Variants in RGS17 observed in about 807,000 individuals in gnomAD.
RGS17 encodes the protein regulator of G-protein signaling 17.
In RGS17, 12 loss-of-function variants were observed where a neutral mutation model predicts 25.5. That is an observed-to-expected ratio of 0.47 (90% confidence interval 0.30 to 0.76). The LOEUF (loss-of-function observed/expected upper bound fraction) is 0.76. RGS17 is among the 30% of genes least tolerant of loss of function. RGS17 has a pLI of 0.07. For synonymous variants in RGS17, 71 were observed against 76.9 expected, an observed-to-expected ratio of 0.92 and a Z score of 0.40; for missense variants, 196 against 242.2, an observed-to-expected ratio of 0.81 and a Z score of 1.27.
At chr6:153,035,423 A>G (rs1281742963) in intron 2 of RGS17, among the ~76,000 whole-genome samples, 1 of 152,218 alleles carries the variant, frequency 6.6e-6, no homozygotes, top group African/African-American at 2.4e-5. Flanking sequence ...TTCTTGAATC[A>G]TGTCCTAAAA....
At chr6:153,054,046 T>C (rs1776512039) in intron 1 of RGS17, among the ~76,000 whole-genome samples, 4 of 75,818 alleles carry the variant, frequency 5.3e-5, no homozygotes, top group African/African-American at 1.7e-4. Context: ...TATATATGTA[T>C]ATATGTATAT....
intron 1 of RGS17, among the ~76,000 whole-genome samples, chr6:153,048,369 C>G (rs973727692): frequency 6.6e-6 from 1 of 152,148 alleles, no homozygotes; most frequent in Non-Finnish European, 1.5e-5. Context: ...TACCCATCTT[C>G]TGTTTCTACC....
At chr6:153,037,733 C>T (rs1046318767) in intron 2 of RGS17, among the ~76,000 whole-genome samples, 1 of 152,090 alleles carries the variant, frequency 6.6e-6, no homozygotes, top group Non-Finnish European at 1.5e-5. Context: ...CTATTTTTTG[C>T]TATTTTAATG....
At chr6:153,034,814 C>T (rs549068040) in intron 2 of RGS17, among the ~76,000 whole-genome samples, 3 of 152,222 alleles carry the variant, frequency 2.0e-5, no homozygotes, top group East Asian at 1.9e-4. Context: ...TCCACTATTA[C>T]GATGGAATTG....
chr6:153,092,127 TACTC>T (rs1401146969), intron 1 of RGS17, among the ~76,000 whole-genome samples: 1 of 152,232 alleles, frequency 6.6e-6, no homozygotes, highest in Non-Finnish European at 1.5e-5. Flanking sequence ...TTACTGGACT[TACTC>T]TTTGAATTTT....
chr6:153,107,583 T>C (rs1247435591), intron 1 of RGS17, among the ~76,000 whole-genome samples: 1 of 152,132 alleles, frequency 6.6e-6, no homozygotes, highest in Non-Finnish European at 1.5e-5. Flanking sequence ...TTAAAGCCTA[T>C]ATTATATTAT....
chr6:153,093,497 G>A (rs1777161752), intron 1 of RGS17, among the ~76,000 whole-genome samples: 1 of 152,112 alleles, frequency 6.6e-6, no homozygotes, highest in African/African-American at 2.4e-5. Flanking sequence ...TCTTCCACAA[G>A]CTTCTTCAGT....
rs1488117310 is a variant in RGS17, at chr6:153,076,862, A to G, written c.-25-32819T>C. Among the ~76,000 whole-genome samples, 7 of 152,348 alleles carry G rather than the reference A, an allele frequency of 4.6e-5. No individual in the cohort carries two copies. The South Asian group carries it at 1.0e-3, about 23-fold the overall frequency. ...AATGAAAAAACATCATTTTTCACCA[A>G]TAAAATAATTGATTTACTCAATGAT... is the stretch of plus-strand genomic sequence containing the variant. On this transcript the variant is annotated intron_variant, in intron 1 of 4. Transcript: ENST00000206262.
intron 1 of RGS17, among the ~76,000 whole-genome samples, chr6:153,094,280 T>C (rs941767397): frequency 2.6e-5 from 4 of 152,070 alleles, no homozygotes; most frequent in African/African-American, 9.7e-5. Context: ...GGTTTTGCTA[T>C]GTTGGCCAGG....
At chr6:153,100,561 A>G (rs1777286392) in intron 1 of RGS17, among the ~76,000 whole-genome samples, 1 of 152,228 alleles carries the variant, frequency 6.6e-6, no homozygotes, top group Non-Finnish European at 1.5e-5. Flanking sequence ...AAAGGAAAGG[A>G]AAGAAAAAAA....
chr6:153,077,086 G>A (rs1776893315), intron 1 of RGS17, among the ~76,000 whole-genome samples: 1 of 152,102 alleles, frequency 6.6e-6, no homozygotes, highest in Non-Finnish European at 1.5e-5. Flanking sequence ...TGATGCAACA[G>A]GAGATACTCA....
At chr6:153,119,649 C>A (rs746812773) in intron 1 of RGS17, among the ~76,000 whole-genome samples, 1 of 152,108 alleles carries the variant, frequency 6.6e-6, no homozygotes, top group African/African-American at 2.4e-5. Context: ...GCCGAGATCA[C>A]GCCATTGCAC....
intron 1 of RGS17, among the ~76,000 whole-genome samples, chr6:153,106,528 G>A (rs1164987943): frequency 6.6e-6 from 1 of 151,038 alleles, no homozygotes; most frequent in East Asian, 2.0e-4. Flanking sequence ...TTTTTTTTCA[G>A]GAAGGGAGAA....
intron 1 of RGS17, among the ~76,000 whole-genome samples, chr6:153,058,557 T>C (rs761582686): frequency 6.6e-6 from 1 of 152,208 alleles, no homozygotes; most frequent in Non-Finnish European, 1.5e-5. Context: ...GTTGAAAGCA[T>C]CCGGTTTTAC....
chr6:153,097,290 ATTTTTTTTTTTTT>A (rs3083488), intron 1 of RGS17, among the ~76,000 whole-genome samples: 12 of 88,304 alleles, frequency 1.4e-4, no homozygotes, highest in African/African-American at 4.6e-4. Context: ...CGTTTTTTTG[ATTTTTTTTTTTTT>A]TTTTTTTTTT....
chr6:153,058,787 T>C lies in RGS17; in HGVS notation c.-25-14744A>G, dbSNP rs190843562. On this transcript the variant is annotated intron_variant, in intron 1 of 4. Transcript: ENST00000206262. Reference sequence around the variant, plus strand: ...TGCTTCAGCTAAGCCAGCATATATCTATGCAACTGAGCAAGCTTTCAATGT... The same window carrying C: ...TGCTTCAGCTAAGCCAGCATATATCCATGCAACTGAGCAAGCTTTCAATGT... 2.6e-5 allele frequency among the ~76,000 whole-genome samples: 4 copies of C among 152,266 alleles called. No homozygotes were observed. In the East Asian group the frequency reaches 7.7e-4, roughly 29 times the overall value.
At chr6:153,075,825 T>C (rs956916402) in intron 1 of RGS17, among the ~76,000 whole-genome samples, 2 of 152,220 alleles carry the variant, frequency 1.3e-5, no homozygotes, top group Non-Finnish European at 2.9e-5. Flanking sequence ...AAAAGAAAAG[T>C]TTTTGTGTGT....
chr6:153,119,612 G>A (rs1458001303), intron 1 of RGS17, among the ~76,000 whole-genome samples: 1 of 152,090 alleles, frequency 6.6e-6, no homozygotes, highest in Non-Finnish European at 1.5e-5. Context: ...AGAATTGCTT[G>A]AACCCGGGAG....
chr6:153,004,554 A>G lies in RGS17; in HGVS notation c.*7020T>C, dbSNP rs986271485. 2.0e-5 allele frequency: 3 copies of G among 152,220 alleles called. No homozygotes were observed. The highest frequency in any genetic ancestry group is 7.2e-5 in the African/African-American group (3 of 41,468). The allele number at this position is 152,220 out of a possible 1,614,324, so 9.4% of individuals were successfully genotyped here. A position where few individuals can be genotyped will look rare whatever the true frequency, so the allele number is the denominator to read the frequency against. On this transcript the variant is annotated 3_prime_UTR_variant, in exon 5 of 5. Coordinates refer to ENST00000206262, the MANE Select transcript of RGS17 (RefSeq NM_012419.5). ...TAACATCCATAGGTTTCCACAATCT[A>G]GTAAAATGAAAACAGCTGTATTTTG...
Sources: gnomAD v4.1 joint callset for allele counts (sites outside exome capture counted in the v4.1 genomes callset) on GRCh38, gnomAD v4.1.1 for gene constraint, MANE v1.5 for transcripts, NCBI Gene and HGNC (gene_info 2026-07-23, HGNC 2026-07-21) for gene names.